Variants in TAF2 observed in about 807,000 individuals in gnomAD.
The protein encoded by TAF2 is transcription initiation factor TFIID subunit 2.
A neutral mutation model predicts 138.5 loss-of-function variants in TAF2; 61 were observed. The ratio of observed to expected loss-of-function variants is 0.44; its 90% CI spans 0.36 to 0.54. The LOEUF (loss-of-function observed/expected upper bound fraction) is 0.54. Among genes scored for constraint, TAF2 ranks in the 20% least tolerant of loss-of-function variants. The pLI is 0.00. For synonymous variants in TAF2, 475 were observed against 469.9 expected, an observed-to-expected ratio of 1.01 and a Z score of -0.14; for missense variants, 1,090 against 1,427.9, an observed-to-expected ratio of 0.76 and a Z score of 3.81.
intron 18 of TAF2, among the ~76,000 whole-genome samples, chr8:119,763,073 T>G (rs1821174575): frequency 6.6e-6 from 1 of 152,220 alleles, no homozygotes; most frequent in Non-Finnish European, 1.5e-5. Flanking sequence ...TCTATCAGCA[T>G]GCTGAGAATA....
chr8:119,762,158 A>G (rs938516841), intron 19 of TAF2, among the ~76,000 whole-genome samples: 16 of 152,224 alleles, frequency 1.1e-4, no homozygotes, highest in African/African-American at 3.9e-4. Context: ...ATGACATGAG[A>G]AAGTATGATA....
At chr8:119,816,502 C>A (rs549565445) in intron 3 of TAF2, among the ~76,000 whole-genome samples, 1 of 152,104 alleles carries the variant, frequency 6.6e-6, no homozygotes, top group Non-Finnish European at 1.5e-5. Flanking sequence ...AAATTTACCA[C>A]GGAATTTGAT....
chr8:119,772,902 A>C (rs1821949290), intron 18 of TAF2, among the ~76,000 whole-genome samples: 1 of 150,746 alleles, frequency 6.6e-6, no homozygotes, highest in South Asian at 2.1e-4. Flanking sequence ...ATGCCACTGC[A>C]CTCCAGTCTG....
chr8:119,789,513 CCT>C (rs1431333942), intron 12 of TAF2, 77 bp downstream of exon 12: 2 of 1,549,380 alleles, frequency 1.3e-6, no homozygotes, highest in East Asian at 4.5e-5. Context: ...CCCCCTCAAA[CCT>C]CTCTTCTTCC....
chr8:119,738,889 A>T (rs564020963), intron 25 of TAF2, among the ~76,000 whole-genome samples: 1 of 152,044 alleles, frequency 6.6e-6, no homozygotes, highest in African/African-American at 2.4e-5. Flanking sequence ...GATTGTTTAG[A>T]TCACTGTAAA....
At chr8:119,770,784 T>C (rs1002691719) in intron 18 of TAF2, among the ~76,000 whole-genome samples, 3 of 152,068 alleles carry the variant, frequency 2.0e-5, no homozygotes, top group East Asian at 3.9e-4. Context: ...ACTTAAAATA[T>C]ATAGAGTGGC....
In TAF2 at chr8:119,781,614, G is replaced by A. The variant is rs375298243; in HGVS notation, c.2113-421C>T. Among the ~76,000 whole-genome samples the A allele has an allele frequency of 3.9e-5, 6 of 152,250 alleles. No individual in the cohort carries two copies. In the South Asian group the frequency reaches 1.2e-3, roughly 32 times the overall value. ...AGAACTGCTTGACTCAGGACGGGGAGGGGGAGGTTGCAGTGAGCCAAGATG... is the reference window on the plus strand; with the variant it reads ...AGAACTGCTTGACTCAGGACGGGGAAGGGGAGGTTGCAGTGAGCCAAGATG... On this transcript the variant is annotated intron_variant, in intron 16 of 25. Coordinates refer to ENST00000378164, the MANE Select transcript of TAF2 (RefSeq NM_003184.4).
chr8:119,756,099 T>C lies in TAF2; in HGVS notation c.2785A>G (p.Met929Val). 1.2e-6 allele frequency: 2 copies of C among 1,613,522 alleles called. No homozygotes were observed. The highest frequency in any genetic ancestry group is 1.1e-5 in the South Asian group (1 of 91,062). ...VPYVRHKILN[M>V]LTKNPPFTKN... ...GTAAATGGTGGGTTCTTAGTCAACA[T>C]GTTGAGAATCTTATGCCTGAAAGAT... Residue 929 changes from methionine (M) to valine (V), a missense_variant, in exon 22 of 26, where the codon ATG becomes GTG. By Grantham distance (21) the Met-to-Val change is conservative (BLOSUM62 1). Transcript: ENST00000378164.
Position 119,762,453 on chromosome 8 carries a change from T to C in TAF2, c.2520A>G (p.Glu840=), listed in dbSNP as rs766623846. 9 of 1,614,008 alleles carry C rather than the reference T, an allele frequency of 5.6e-6. No homozygotes were observed. Among genetic ancestry groups the C allele is most frequent in the Non-Finnish European group, 6.8e-6 (8 of 1,179,934 alleles). Residue 840 remains glutamate, a synonymous_variant, in exon 19 of 26, where the codon GAA becomes GAG. Coordinates refer to ENST00000378164, the MANE Select transcript of TAF2 (RefSeq NM_003184.4). ...LEEITRFLNM[E]KLLPSYRHTI... The stretch of plus-strand genomic sequence containing the variant: ...TATGCCTGTAACTCGGAAGAAGTTT[T>C]TCCATATTCAAAAATCTGGTGATTT...
chr8:119,784,071 AATC>A (rs760674204), intron 15 of TAF2, among the ~76,000 whole-genome samples: 6 of 152,338 alleles, frequency 3.9e-5, no homozygotes, highest in Non-Finnish European at 7.4e-5. Flanking sequence ...CAAGTTCTGA[AATC>A]ATAATTTGGA....
chr8:119,738,815 A>T (rs1283314417), intron 25 of TAF2, among the ~76,000 whole-genome samples: 2 of 152,144 alleles, frequency 1.3e-5, no homozygotes, highest in Non-Finnish European at 2.9e-5. Flanking sequence ...CACCTTAGGT[A>T]TATGTTTAAA....
intron 2 of TAF2, among the ~76,000 whole-genome samples, chr8:119,827,777 C>A (rs989513474): frequency 4.1e-5 from 6 of 145,334 alleles, no homozygotes; most frequent in African/African-American, 1.5e-4. Context: ...GAGTTTTGCT[C>A]TTGTTGCCCA....
intron 3 of TAF2, among the ~76,000 whole-genome samples, chr8:119,809,212 T>G (rs1239252469): frequency 6.6e-6 from 1 of 152,210 alleles, no homozygotes; most frequent in Admixed American, 6.5e-5. Context: ...TTGCTTCACC[T>G]TGCACTTTCA....
chr8:119,811,073 A>G (rs1213033098), intron 3 of TAF2, among the ~76,000 whole-genome samples: 1 of 152,212 alleles, frequency 6.6e-6, no homozygotes, highest in Non-Finnish European at 1.5e-5. Context: ...CAGAATAATA[A>G]TGACTACAAA....
intron 25 of TAF2, among the ~76,000 whole-genome samples, chr8:119,740,358 CAAAT>C (rs1441887439): frequency 6.6e-6 from 1 of 151,534 alleles, no homozygotes; most frequent in Non-Finnish European, 1.5e-5. Flanking sequence ...AGTTACTTAA[CAAAT>C]AAAACAATGT....
chr8:119,825,713 CT>C (rs1354802046), intron 2 of TAF2, among the ~76,000 whole-genome samples: 1 of 152,060 alleles, frequency 6.6e-6, no homozygotes, highest in Non-Finnish European at 1.5e-5. Context: ...GAGATGGAAT[CT>C]CGCTCTGTCG....
chr8:119,824,428 C>CAAAAA (rs71304910), intron 2 of TAF2, among the ~76,000 whole-genome samples: 2 of 125,634 alleles, frequency 1.6e-5, no homozygotes, highest in East Asian at 5.1e-4. Context: ...GACTCCGTCT[C>CAAAAA]AAAAAAAAAA....
At chr8:119,831,986 G>A (rs1033987910) in intron 1 of TAF2, among the ~76,000 whole-genome samples, 3 of 151,874 alleles carry the variant, frequency 2.0e-5, no homozygotes, top group Non-Finnish European at 4.4e-5. Context: ...GAGTGAAACC[G>A]AGTCTCTACT....
At chr8:119,796,435 A>T (rs7017045) in intron 8 of TAF2, among the ~76,000 whole-genome samples, 88,243 of 151,896 alleles carry the variant, frequency 0.58, 25,811 homozygotes, top group Middle Eastern at 0.75. Flanking sequence ...GAAAAAGCAT[A>T]TATACCTTTC....
Sources: gnomAD v4.1 joint callset for allele counts (sites outside exome capture counted in the v4.1 genomes callset) on GRCh38, gnomAD v4.1.1 for gene constraint, MANE v1.5 for transcripts, NCBI Gene and HGNC (gene_info 2026-07-23, HGNC 2026-07-21) for gene names.